The following GATAD2A variants were observed in gnomAD, a reference collection of about 807,000 sequenced individuals.
GATAD2A encodes GATA zinc finger domain containing 2A.
A neutral mutation model predicts 68.5 loss-of-function variants in GATAD2A; 12 were observed. That is an observed-to-expected ratio of 0.18 (90% CI 0.11 to 0.28). GATAD2A has a LOEUF of 0.28. Ranked by LOEUF, GATAD2A falls within the 10% of genes least tolerant of loss-of-function variation. The pLI is 1.00. For missense variants in GATAD2A, 755 were observed against 868.5 expected (o/e 0.87, Z 1.64); for synonymous variants, 410 against 375.3 (o/e 1.09, Z -1.07).
At chr19:19,421,445 C>G (rs967349260) in intron 1 of GATAD2A, among the ~76,000 whole-genome samples, 1 of 152,168 alleles carries the variant, frequency 6.6e-6, no homozygotes, top group African/African-American at 2.4e-5. Flanking sequence ...GTTGGGTTGT[C>G]TAGGCAGCGC....
At chr19:19,463,840 A>G (rs745798334) in intron 1 of GATAD2A, among the ~76,000 whole-genome samples, 3 of 152,212 alleles carry the variant, frequency 2.0e-5, no homozygotes, top group Non-Finnish European at 4.4e-5. Context: ...CACAACACGC[A>G]TGTAGACGGC....
At chr19:19,436,605 C>T (rs1331011424) in intron 1 of GATAD2A, among the ~76,000 whole-genome samples, 2 of 152,202 alleles carry the variant, frequency 1.3e-5, no homozygotes, top group Non-Finnish European at 2.9e-5. Flanking sequence ...AAGCCCAGGG[C>T]CCCACACTGG....
At chr19:19,429,954 T>C (rs1252864324) in intron 1 of GATAD2A, among the ~76,000 whole-genome samples, 1 of 152,086 alleles carries the variant, frequency 6.6e-6, no homozygotes, top group African/African-American at 2.4e-5. Context: ...ACCTCCTCAA[T>C]GTGCCTCTCC....
chr19:19,505,716 C>A lies in GATAD2A; in HGVS notation c.*242C>A. 1 of 475,212 alleles carries A rather than the reference C, an allele frequency of 2.1e-6. No homozygotes were observed. The highest frequency in any genetic ancestry group is 3.7e-6 in the Non-Finnish European group (1 of 272,376). The allele number at this position is 475,212 out of a possible 1,614,324, so 29.4% of individuals were successfully genotyped here. A position where few individuals can be genotyped will look rare whatever the true frequency, so the allele number is the denominator to read the frequency against. On this transcript the variant is annotated 3_prime_UTR_variant, in exon 12 of 12. Transcript: ENST00000683918. The stretch of plus-strand genomic sequence containing the variant: ...ATCGCTGGGGGACCTTTCCCGTGGG[C>A]TTTCTTCCTTTCTCTCTTTGCCTTT...
At chr19:19,420,005 CTT>C (rs397859927) in intron 1 of GATAD2A, among the ~76,000 whole-genome samples, 15 of 68,696 alleles carry the variant, frequency 2.2e-4, no homozygotes, top group African/African-American at 3.6e-4. Context: ...ACCATCTTGA[CTT>C]TTTTTTTTTT....
chr19:19,481,677 T>G (rs1374293809), intron 2 of GATAD2A, among the ~76,000 whole-genome samples: 1 of 152,216 alleles, frequency 6.6e-6, no homozygotes, highest in African/African-American at 2.4e-5. Flanking sequence ...GGGTAAGTTA[T>G]CATTTCTTGA....
chr19:19,412,363 G>A (rs2051060304), intron 1 of GATAD2A, among the ~76,000 whole-genome samples: 2 of 151,798 alleles, frequency 1.3e-5, no homozygotes, highest in Admixed American at 1.3e-4. Context: ...CACCATGTTG[G>A]CCAGGATGGT....
chr19:19,442,041 A>G (rs537045567), intron 1 of GATAD2A, among the ~76,000 whole-genome samples: 43 of 150,452 alleles, frequency 2.9e-4, no homozygotes, highest in Admixed American at 2.3e-3. Flanking sequence ...TTGTATTTTT[A>G]GTAGAGATGG....
chr19:19,436,042 C>A, intron 1 of GATAD2A: 1 of 589,542 alleles, frequency 1.7e-6, no homozygotes, highest in Non-Finnish European at 2.8e-6. Flanking sequence ...CTATGTAATT[C>A]CAGGGGTTAG....
At chr19:19,397,116 G>C (rs555440218) in intron 1 of GATAD2A, among the ~76,000 whole-genome samples, 1 of 152,232 alleles carries the variant, frequency 6.6e-6, no homozygotes, top group African/African-American at 2.4e-5. Context: ...AGGAGGTTAT[G>C]CTCTTCTAAA....
At chr19:19,463,458 C>T (rs564629602) in intron 1 of GATAD2A, among the ~76,000 whole-genome samples, 4 of 152,244 alleles carry the variant, frequency 2.6e-5, no homozygotes, top group Admixed American at 2.6e-4. Flanking sequence ...CACATTCGAC[C>T]TCTACCTGGG....
Position 19,492,708 on chromosome 19 carries a change from A to C in GATAD2A, c.530A>C (p.Gln177Pro). 1 of 1,614,156 alleles carries C rather than the reference A, an allele frequency of 6.2e-7. No individual in the cohort carries two copies. The highest frequency in any genetic ancestry group is 8.5e-7 in the Non-Finnish European group (1 of 1,180,040). The change falls in exon 4 of 12, where the codon CAG becomes CCG. Residue 177 changes from glutamine to proline, a missense_variant. Coordinates refer to ENST00000683918, the MANE Select transcript of GATAD2A (RefSeq NM_001384528.1). ...CAAATACAAAAGGAAGCCACCGCCC[A>C]GAAGGTGCGTGCCTGTCTCCCCTCC... ...QSQIQKEATA[Q>P]KPTGSVGSTV...
At chr19:19,451,821 A>C (rs1037694761) in intron 1 of GATAD2A, among the ~76,000 whole-genome samples, 1 of 152,226 alleles carries the variant, frequency 6.6e-6, no homozygotes, top group South Asian at 2.1e-4. Flanking sequence ...TCTTTTGTTC[A>C]GAATTAAATG....
chr19:19,490,160 G>A (rs180709827), intron 2 of GATAD2A, among the ~76,000 whole-genome samples: 2 of 152,238 alleles, frequency 1.3e-5, no homozygotes, highest in Non-Finnish European at 2.9e-5. Context: ...TTCTGTCCAC[G>A]CCCAGGTCTC....
chr19:19,466,132 C>T (rs906625212), intron 2 of GATAD2A, among the ~76,000 whole-genome samples: 3 of 152,248 alleles, frequency 2.0e-5, no homozygotes, highest in South Asian at 2.1e-4. Context: ...TTGGCTTGCT[C>T]TGTTGGTTTG....
intron 1 of GATAD2A, among the ~76,000 whole-genome samples, chr19:19,456,492 G>T (rs2056950908): frequency 6.6e-6 from 1 of 152,200 alleles, no homozygotes; most frequent in Non-Finnish European, 1.5e-5. Flanking sequence ...ATATCCACAT[G>T]TGTCATTGCT....
intron 1 of GATAD2A, among the ~76,000 whole-genome samples, chr19:19,459,746 G>C (rs58074958): frequency 0.16 from 23,937 of 152,228 alleles, 1,995 homozygotes; most frequent in Middle Eastern, 0.27. Context: ...GTGGTTGATT[G>C]ACAGACCTCT....
chr19:19,471,552 G>A (rs1320422799), intron 2 of GATAD2A, among the ~76,000 whole-genome samples: 1 of 152,132 alleles, frequency 6.6e-6, no homozygotes, highest in South Asian at 2.1e-4. Flanking sequence ...ACAACACATG[G>A]GCACGTTTTG....
In GATAD2A at chr19:19,492,661, G is replaced by C; in HGVS notation, c.483G>C (p.Leu161Phe). 1.9e-6 allele frequency: 3 copies of C among 1,614,194 alleles called. No homozygotes were observed. Among genetic ancestry groups the C allele is most frequent in the Non-Finnish European group, 2.5e-6 (3 of 1,180,030 alleles). The change falls in exon 4 of 12, where the codon TTG becomes TTC. Residue 161 changes from leucine (L) to phenylalanine (F), a missense_variant. Leu to Phe is a conservative substitution (Grantham distance 22). Transcript: ENST00000683918. ...GGTTAGAAGAAGCAAAACTCGTGTT[G>C]TTGAAAAAGTTGCGGCAGAGTCAAA... Reference protein sequence around the residue: ...ELRLEEAKLVLLKKLRQSQIQ... With the variant: ...ELRLEEAKLVFLKKLRQSQIQ...
Sources: allele counts gnomAD v4.1 joint callset (sites outside exome capture counted in the v4.1 genomes callset), GRCh38; gene constraint gnomAD v4.1.1; transcripts MANE v1.5; gene names NCBI Gene and HGNC (gene_info 2026-07-23, HGNC 2026-07-21).